CSN3: variants seen among roughly 807,000 people sequenced by gnomAD.
CSN3 encodes kappa-casein.
Under a neutral mutation model 9.9 loss-of-function variants are expected in CSN3, and 7 were observed. The ratio of observed to expected loss-of-function variants is 0.71; its 90% confidence interval spans 0.40 to 1.33. The LOEUF (loss-of-function observed/expected upper bound fraction) is 1.33. Among genes scored for constraint, CSN3 ranks in the 40% most tolerant of loss-of-function variants. The pLI is 0.01. For synonymous variants in CSN3, 88 were observed against 82.3 expected, an observed-to-expected ratio of 1.07 and a Z score of -0.37; for missense variants, 253 against 227.9, an observed-to-expected ratio of 1.11 and a Z score of -0.71.
chr4:70,246,879 C>T (rs1270370768), intron 2 of CSN3, among the ~76,000 whole-genome samples: 1 of 151,904 alleles, frequency 6.6e-6, no homozygotes, highest in African/African-American at 2.4e-5. Flanking sequence ...ACCATGTTGG[C>T]CAGGCTGGTC....
rs766555323 is a variant in CSN3, at chr4:70,249,285, T to C, written c.375T>C (p.Ile125=). The change falls in exon 4 of 5, where the codon ATT becomes ATC. Residue 125 remains isoleucine, a synonymous_variant. Coordinates refer to ENST00000304954, the Ensembl canonical transcript of CSN3. Reference sequence around the variant, plus strand: ...TTATTGCCATCCCCCCAAAGAAAATTCAGGATAAAATAATCATCCCTACCA... The same window carrying C: ...TTATTGCCATCCCCCCAAAGAAAATCCAGGATAAAATAATCATCCCTACCA... 2.5e-6 allele frequency: 4 copies of C among 1,614,066 alleles called. No homozygotes were observed. In the South Asian group the frequency reaches 3.3e-5, roughly 13 times the overall value.
intron 2 of CSN3, among the ~76,000 whole-genome samples, chr4:70,245,489 C>T (rs1327290730): frequency 6.6e-6 from 1 of 152,106 alleles, no homozygotes; most frequent in Admixed American, 6.6e-5. Context: ...GAATTATATG[C>T]AATGTTTTAA....
chr4:70,249,613 C>T lies in CSN3; in HGVS notation c.*34+120C>T, dbSNP rs114625660. The T allele has an allele frequency of 3.2e-4, 212 of 661,566 alleles. No homozygotes were observed. In the African/African-American group the frequency reaches 3.6e-3, roughly 11 times the overall value. 41.0% of individuals were successfully genotyped at this position (661,566 alleles called of 1,614,324 possible). Reference sequence around the variant, plus strand: ...AAGTGTGTTACAGAAGCAGACAAAACAGGGTACTTACAGTTTTACCTTGGT... The same window carrying T: ...AAGTGTGTTACAGAAGCAGACAAAATAGGGTACTTACAGTTTTACCTTGGT... On this transcript the variant is annotated intron_variant, in intron 4 of 4. Transcript: ENST00000304954.
chr4:70,249,019 C>T lies in CSN3; in HGVS notation c.109C>T (p.Pro37Ser), dbSNP rs1215156773. The stretch of plus-strand genomic sequence containing the variant: ...GCAGTGCCATGAGAATGATGAAAGA[C>T]CATTCTATCAGAAAACAGCTCCATA... Residue 37 changes from proline to serine, a missense_variant, in exon 4 of 5, where the codon CCA (proline) becomes TCA (serine). By Grantham distance (74) the Pro-to-Ser change is moderately conservative (BLOSUM62 -1). Transcript: ENST00000304954. The T allele has an allele frequency of 2.5e-6, 4 of 1,597,288 alleles. No homozygotes were observed. In the East Asian group the frequency reaches 6.7e-5, roughly 27 times the overall value.
chr4:70,246,670 T>TC (rs1730383500), intron 2 of CSN3, among the ~76,000 whole-genome samples: 1 of 123,436 alleles, frequency 8.1e-6, no homozygotes, highest in Non-Finnish European at 1.7e-5. Context: ...TCATATTACT[T>TC]CTTTTTTTTT....
upstream of CSN3, among the ~76,000 whole-genome samples, chr4:70,241,469 T>C (rs1730268683): frequency 6.6e-6 from 1 of 152,070 alleles, no homozygotes; most frequent in African/African-American, 2.4e-5. Flanking sequence ...ATATTATTTC[T>C]TGTTTGTGTT....
At chr4:70,242,286 T>G (rs1374296092), upstream of CSN3, among the ~76,000 whole-genome samples, 1 of 79,568 alleles carries the variant, frequency 1.3e-5, no homozygotes, top group East Asian at 4.1e-4. Flanking sequence ...CTTTTTTATT[T>G]TATTTTATTT....
At chr4:70,248,326 G>T (rs1484928855) in intron 3 of CSN3, among the ~76,000 whole-genome samples, 1 of 151,724 alleles carries the variant, frequency 6.6e-6, no homozygotes, top group Non-Finnish European at 1.5e-5. Flanking sequence ...GTATAATTTT[G>T]TCAATTTATT....
exon 4 of CSN3, chr4:70,249,026 A>C: frequency 1.2e-6 from 2 of 1,604,094 alleles, no homozygotes; most frequent in Non-Finnish European, 1.7e-6. Flanking sequence ...AGACCATTCT[A>C]TCAGAAAACA....
upstream of CSN3, among the ~76,000 whole-genome samples, chr4:70,238,597 A>G (rs1412791004): frequency 6.6e-6 from 1 of 151,978 alleles, no homozygotes; most frequent in Non-Finnish European, 1.5e-5. Context: ...TAACATTTTT[A>G]TAACTGTGTA....
At chr4:70,238,624 C>T (rs143328819), upstream of CSN3, among the ~76,000 whole-genome samples, 4 of 151,562 alleles carry the variant, frequency 2.6e-5, no homozygotes, top group Non-Finnish European at 4.4e-5. Flanking sequence ...GAGTATAGGG[C>T]GATAAGAGTG....
At chr4:70,244,813 T>C in exon 2 of CSN3, 1 of 1,524,566 alleles carries the variant, frequency 6.6e-7, no homozygotes, top group Non-Finnish European at 8.8e-7. Flanking sequence ...TATCTTTAGG[T>C]GCAATAATGA....
At chr4:70,240,300 T>C (rs2249813), upstream of CSN3, among the ~76,000 whole-genome samples, 91,786 of 151,780 alleles carry the variant, frequency 0.6, 27,922 homozygotes, top group Middle Eastern at 0.71. Flanking sequence ...TCTTACCCAG[T>C]CCCAGTGTGT....
chr4:70,244,386 AT>A (rs955975356), intron 1 of CSN3, among the ~76,000 whole-genome samples: 1 of 151,854 alleles, frequency 6.6e-6, no homozygotes, highest in East Asian at 1.9e-4. Context: ...TCTATATGTC[AT>A]TTTTTCCACA....
At chr4:70,240,481 G>A (rs62307449), upstream of CSN3, among the ~76,000 whole-genome samples, 17,231 of 151,950 alleles carry the variant, frequency 0.11, 1,292 homozygotes, top group East Asian at 0.27. Flanking sequence ...TTCGTTCCAG[G>A]TTATAAACAC....
Position 70,244,882 on chromosome 4 carries a change from A to G in CSN3, c.54+9A>G, listed in dbSNP as rs1355417085. 1 of 1,555,630 alleles carries G rather than the reference A, an allele frequency of 6.4e-7. No individual in the cohort carries two copies. The highest frequency in any genetic ancestry group is 8.7e-7 in the Non-Finnish European group (1 of 1,148,984). On this transcript the variant is annotated intron_variant, in intron 2 of 4. Coordinates refer to ENST00000304954, the Ensembl canonical transcript of CSN3. ...TAACCCTGCCTTTTTTGGTAAGTTA[A>G]TTTCATCTAACCAGATTGTACTGAC...
At chr4:70,249,489 C>A in exon 4 of CSN3, 1 of 1,533,732 alleles carries the variant, frequency 6.5e-7, no homozygotes, top group Non-Finnish European at 9.0e-7. Flanking sequence ...AAGAACACAA[C>A]GCAGGTAAAT....
At chr4:70,248,366 A>G (rs141915765) in intron 3 of CSN3, among the ~76,000 whole-genome samples, 1 of 152,268 alleles carries the variant, frequency 6.6e-6, no homozygotes, top group East Asian at 1.9e-4. Flanking sequence ...CTACTGACAA[A>G]TTTTTAAACA....
chr4:70,248,985 A>ATTT lies in CSN3; in HGVS notation c.88-7_88-5dup. 2 of 1,524,910 alleles carry ATTT rather than the reference A, an allele frequency of 1.3e-6. No homozygotes were observed. Among genetic ancestry groups the ATTT allele is most frequent in the Non-Finnish European group, 1.8e-6 (2 of 1,131,828 alleles). 94.5% of individuals were successfully genotyped at this position (1,524,910 alleles called of 1,614,324 possible). ...ATAATAATAATATTCTGTATAATTT[A>ATTT]TTTTTTTTGCAGTGCCATGAGAATG... On this transcript the variant is annotated splice_polypyrimidine_tract_variant and intron_variant, in intron 3 of 4. Transcript: ENST00000304954.
Sources: allele counts gnomAD v4.1 joint callset (sites outside exome capture counted in the v4.1 genomes callset), GRCh38; gene constraint gnomAD v4.1.1; transcripts MANE v1.5; gene names NCBI Gene and HGNC (gene_info 2026-07-23, HGNC 2026-07-21).